Variants in PHF14 observed in about 807,000 individuals in gnomAD.
The protein encoded by PHF14 is PHD finger protein 14.
PHF14 carries 55 observed loss-of-function variants against 117.9 expected under a neutral mutation model. That is an observed-to-expected ratio of 0.47 (90% CI 0.38 to 0.58). The LOEUF is 0.58. Among genes scored for constraint, PHF14 ranks in the 20% least tolerant of loss-of-function variants. The pLI is 0.00. For synonymous variants in PHF14, 409 were observed against 368.6 expected, an observed-to-expected ratio of 1.11 and a Z score of -1.26; for missense variants, 978 against 1,122.2, an observed-to-expected ratio of 0.87 and a Z score of 1.84.
intron 17 of PHF14, among the ~76,000 whole-genome samples, chr7:11,117,760 A>G (rs1787641773): frequency 6.6e-6 from 1 of 151,782 alleles, no homozygotes; most frequent in South Asian, 2.1e-4. Context: ...ACTTGGTAAT[A>G]TTGGAAATTG....
chr7:11,030,712 G>A (rs923155342), intron 7 of PHF14, among the ~76,000 whole-genome samples: 3 of 152,098 alleles, frequency 2.0e-5, no homozygotes, highest in African/African-American at 7.2e-5. Context: ...GCCTTGCTGT[G>A]TCCCTTGATT....
chr7:10,974,310 C>CT lies in PHF14; in HGVS notation c.-13dup. The CT allele has an allele frequency of 6.3e-7, 1 of 1,589,768 alleles. No homozygotes were observed. Among genetic ancestry groups the CT allele is most frequent in the East Asian group, 2.3e-5 (1 of 43,762 alleles). On this transcript the variant is annotated 5_prime_UTR_variant, in exon 1 of 18. Coordinates refer to ENST00000634607, the MANE Select transcript of PHF14 (RefSeq NM_001007157.2). The stretch of plus-strand genomic sequence containing the variant: ...CCCTAAGTCTTCTCCAAACGACCAC[C>CT]TCACGGATTCCTTAGTAAGTGTATC...
At chr7:11,149,473 A>G (rs868596430) in intron 17 of PHF14, among the ~76,000 whole-genome samples, 1 of 152,164 alleles carries the variant, frequency 6.6e-6, no homozygotes, top group Non-Finnish European at 1.5e-5. Context: ...TAAATAAGAT[A>G]CCTTCTAGCT....
chr7:11,166,607 T>G (rs1789208291), intron 17 of PHF14, among the ~76,000 whole-genome samples: 1 of 152,192 alleles, frequency 6.6e-6, no homozygotes. Context: ...ATTTTAATGT[T>G]ATTTATGATA....
chr7:11,118,217 T>A (rs1787653450), intron 17 of PHF14, among the ~76,000 whole-genome samples: 1 of 151,946 alleles, frequency 6.6e-6, no homozygotes, highest in South Asian at 2.1e-4. Flanking sequence ...ACTAAAAGTC[T>A]GAGAATTAAA....
chr7:11,061,883 G>C, intron 15 of PHF14, 42 bp downstream of exon 15: 2 of 1,518,974 alleles, frequency 1.3e-6, no homozygotes, highest in African/African-American at 1.4e-5. Context: ...TTAACTTTGA[G>C]AAATTTTCTT....
chr7:11,167,885 C>T (rs554607121), intron 17 of PHF14, among the ~76,000 whole-genome samples: 200 of 151,844 alleles, frequency 1.3e-3, no homozygotes, highest in African/African-American at 4.6e-3. Flanking sequence ...AAAAATTAGC[C>T]GGGCGTGGTG....
chr7:10,991,986 A>G (rs906179834), intron 4 of PHF14, among the ~76,000 whole-genome samples: 15 of 151,348 alleles, frequency 9.9e-5, no homozygotes, highest in Admixed American at 1.3e-4. Flanking sequence ...AAAGTTGACT[A>G]TTTTAGTCTG....
chr7:11,041,459 T>A (rs1185112699), intron 12 of PHF14, among the ~76,000 whole-genome samples: 1 of 151,454 alleles, frequency 6.6e-6, no homozygotes, highest in Non-Finnish European at 1.5e-5. Context: ...TGTGTGTGTA[T>A]ATTTATCTAT....
chr7:10,990,895 T>C lies in PHF14; in HGVS notation c.1045+48T>C, dbSNP rs79094851. On this transcript the variant is annotated intron_variant, in intron 4 of 17. Coordinates refer to ENST00000634607, the MANE Select transcript of PHF14 (RefSeq NM_001007157.2). ...CTTTTTAGAAATGGCTGACTGTGGC[T>C]CTTTTACATTTGTACTAAGGTGGTT... is the stretch of plus-strand genomic sequence containing the variant. The C allele has an allele frequency of 3.1e-3, 4,273 of 1,400,844 alleles. 108 individuals carry two copies. The African/African-American group carries it at 0.055, about 18-fold the overall frequency. The allele number at this position is 1,400,844 out of a possible 1,614,324, so 86.8% of individuals were successfully genotyped here.
chr7:11,149,009 G>GT lies in PHF14; in HGVS notation c.2773-20397dup, dbSNP rs796880354. Reference sequence around the variant, plus strand: ...ACCCAAAGTCATTCCTTGAAATAGGGTTTTTTTTTTGTTTTGTTTTGTTTT... The same window carrying GT: ...ACCCAAAGTCATTCCTTGAAATAGGGTTTTTTTTTTTGTTTTGTTTTGTTTT... On this transcript the variant is annotated intron_variant, in intron 17 of 17. Transcript: ENST00000634607. Among the ~76,000 whole-genome samples, 648 of 148,072 alleles carry GT rather than the reference G, an allele frequency of 4.4e-3. 3 individuals are homozygous for GT. Among genetic ancestry groups the GT allele is most frequent in the African/African-American group, 0.013 (521 of 40,496 alleles).
intron 2 of PHF14, among the ~76,000 whole-genome samples, chr7:10,981,706 A>T (rs972192470): frequency 6.6e-6 from 1 of 152,198 alleles, no homozygotes; most frequent in Non-Finnish European, 1.5e-5. Flanking sequence ...TATTGATACG[A>T]ACAGTATCCT....
At chr7:11,025,711 C>T (rs1235590411) in intron 6 of PHF14, among the ~76,000 whole-genome samples, 7 of 152,186 alleles carry the variant, frequency 4.6e-5, no homozygotes, top group South Asian at 2.1e-4. Flanking sequence ...AGGAGAATGG[C>T]GTGAACCCGG....
rs143382134 is a variant in PHF14, at chr7:11,161,855, A to T, written c.2773-7561A>T. Among the ~76,000 whole-genome samples, 570 of 150,390 alleles carry T rather than the reference A, an allele frequency of 3.8e-3. 3 individuals are homozygous for T. The highest frequency in any genetic ancestry group is 0.013 in the African/African-American group (547 of 41,358). Reference sequence around the variant, plus strand: ...ATATTATAAATGAAGGAAAGTTACCAATGTAGGAGCCTCTTAATATAGATT... The same window carrying T: ...ATATTATAAATGAAGGAAAGTTACCTATGTAGGAGCCTCTTAATATAGATT... On this transcript the variant is annotated intron_variant, in intron 17 of 17. Transcript: ENST00000634607.
intron 16 of PHF14, among the ~76,000 whole-genome samples, chr7:11,102,158 TA>T (rs1177653316): frequency 2.0e-5 from 3 of 151,872 alleles, no homozygotes; most frequent in African/African-American, 7.2e-5. Context: ...ATTGATTAAA[TA>T]TTTCCTTTTA....
intron 4 of PHF14, among the ~76,000 whole-genome samples, chr7:11,011,067 T>A (rs1046911105): frequency 6.6e-6 from 1 of 152,260 alleles, no homozygotes; most frequent in African/African-American, 2.4e-5. Context: ...AAACCAACTT[T>A]TTAGTTTTTT....
At chr7:11,138,053 T>TC (rs1348324367) in intron 17 of PHF14, among the ~76,000 whole-genome samples, 2 of 151,994 alleles carry the variant, frequency 1.3e-5, no homozygotes, top group Admixed American at 6.5e-5. Context: ...TTTTTTTTTT[T>TC]TGAGACGGAG....
chr7:11,160,187 A>AT (rs1788983692), intron 17 of PHF14, among the ~76,000 whole-genome samples: 1 of 152,104 alleles, frequency 6.6e-6, no homozygotes, highest in South Asian at 2.1e-4. Context: ...TTCCTGAGTT[A>AT]ATACACTTAG....
intron 17 of PHF14, among the ~76,000 whole-genome samples, chr7:11,112,861 A>G (rs977824686): frequency 6.6e-6 from 1 of 152,132 alleles, no homozygotes; most frequent in Non-Finnish European, 1.5e-5. Context: ...TTTTAACCTA[A>G]AATTGTAAAC....
Sources: allele counts gnomAD v4.1 joint callset (sites outside exome capture counted in the v4.1 genomes callset), GRCh38; gene constraint gnomAD v4.1.1; transcripts MANE v1.5; gene names NCBI Gene and HGNC (gene_info 2026-07-23, HGNC 2026-07-21).